The following KLHL32 variants were observed in gnomAD, a reference collection of about 807,000 sequenced individuals.
KLHL32 encodes the protein kelch-like protein 32.
Under a neutral mutation model 64.8 loss-of-function variants are expected in KLHL32, and 35 were observed. The observed-to-expected ratio is 0.54, with a 90% CI of 0.41 to 0.72. The LOEUF is 0.72. Ranked by LOEUF, KLHL32 falls within the 30% of genes least tolerant of loss-of-function variation. The pLI is 0.00. For missense variants in KLHL32, 589 were observed against 768.5 expected, an observed-to-expected ratio of 0.77 and a Z score of 2.76; for synonymous variants, 259 against 281.0, an observed-to-expected ratio of 0.92 and a Z score of 0.78.
chr6:97,038,704 T>C (rs758748606), intron 3 of KLHL32, among the ~76,000 whole-genome samples: 49 of 151,932 alleles, frequency 3.2e-4, no homozygotes, highest in Non-Finnish European at 6.0e-4. Context: ...TAAATATATC[T>C]ATATATCTAT....
rs760898676 is a variant in KLHL32, at chr6:97,130,962, G to T, written c.1606+13G>T. ...AACCTGCTGACTGGCAAGTACCTTT[G>T]ATTAAGTAAATCAGGAAAAGTAGAT... On this transcript the variant is annotated intron_variant, in intron 9 of 10. Coordinates refer to ENST00000369261, the MANE Select transcript of KLHL32 (RefSeq NM_052904.4). 6.2e-7 allele frequency: 1 copy of T among 1,602,010 alleles called. No homozygotes were observed. The highest frequency in any genetic ancestry group is 1.7e-5 in the Admixed American group (1 of 58,802).
chr6:97,030,717 C>T (rs891203399), intron 3 of KLHL32, among the ~76,000 whole-genome samples: 3 of 152,296 alleles, frequency 2.0e-5, no homozygotes, highest in South Asian at 4.1e-4. Flanking sequence ...TAGCTTTGAA[C>T]TCACTTGTGT....
chr6:97,002,097 A>C (rs1381975336), intron 3 of KLHL32, among the ~76,000 whole-genome samples: 1 of 152,242 alleles, frequency 6.6e-6, no homozygotes, highest in African/African-American at 2.4e-5. Flanking sequence ...GTATGCTTCT[A>C]GTCCAAGTCT....
In KLHL32 at chr6:96,989,718, C is replaced by A. The variant is rs375106802; in HGVS notation, c.204+13541C>A. 1.6e-4 allele frequency among the ~76,000 whole-genome samples: 24 copies of A among 152,206 alleles called. 1 individual carries two copies. Among genetic ancestry groups the A allele is most frequent in the South Asian group, 1.2e-3 (6 of 4,820 alleles). Reference sequence around the variant, plus strand: ...TTTTCCAAGTTGCTTTTTCTCCCCCCCTCTCTTCCAGGGATACCAATTTGT... The same window carrying A: ...TTTTCCAAGTTGCTTTTTCTCCCCCACTCTCTTCCAGGGATACCAATTTGT... On this transcript the variant is annotated intron_variant, in intron 3 of 10. Coordinates refer to ENST00000369261, the MANE Select transcript of KLHL32 (RefSeq NM_052904.4).
chr6:97,104,719 G>A (rs542398128), intron 6 of KLHL32, among the ~76,000 whole-genome samples: 6 of 152,244 alleles, frequency 3.9e-5, no homozygotes, highest in African/African-American at 9.6e-5. Flanking sequence ...AAATGTTGAC[G>A]CAGTTTTAAT....
chr6:97,015,349 A>G (rs1320558652), intron 3 of KLHL32, among the ~76,000 whole-genome samples: 1 of 152,204 alleles, frequency 6.6e-6, no homozygotes. Context: ...GAAGACAGGA[A>G]GATGTGGGAA....
chr6:96,969,358 T>C (rs1480078722), intron 2 of KLHL32, among the ~76,000 whole-genome samples: 1 of 152,184 alleles, frequency 6.6e-6, no homozygotes, highest in East Asian at 1.9e-4. Flanking sequence ...AATGTCTCAT[T>C]TTCTGGCCCT....
chr6:97,139,533 T>G lies in KLHL32; in HGVS notation c.*251T>G. 1 of 400,174 alleles carries G rather than the reference T, an allele frequency of 2.5e-6. No individual in the cohort carries two copies. Among genetic ancestry groups the G allele is most frequent in the South Asian group, 3.9e-5 (1 of 25,774 alleles). 24.8% of individuals were successfully genotyped at this position (400,174 alleles called of 1,614,324 possible). ...TAGTGCCAATTTAAGGTATATTGTG[T>G]TCCATGGGTCTTTAGAGCATTCTTT... On this transcript the variant is annotated 3_prime_UTR_variant, in exon 11 of 11. Coordinates refer to ENST00000369261, the MANE Select transcript of KLHL32 (RefSeq NM_052904.4).
At chr6:97,089,365 GT>G (rs1793881356) in intron 6 of KLHL32, among the ~76,000 whole-genome samples, 1 of 152,258 alleles carries the variant, frequency 6.6e-6, no homozygotes, top group African/African-American at 2.4e-5. Flanking sequence ...AAAATATTCA[GT>G]AGTTAGGTTA....
At chr6:96,915,876 C>T in the KLHL32 span, among the ~76,000 whole-genome samples, 9 of 152,290 alleles carry the variant, frequency 5.9e-5, no homozygotes, top group Admixed American at 1.3e-4. Context: ...CCTCCCCCAT[C>T]GGCTTAAAAG....
chr6:97,023,239 T>G (rs999116650), intron 3 of KLHL32, among the ~76,000 whole-genome samples: 1 of 152,150 alleles, frequency 6.6e-6, no homozygotes, highest in Non-Finnish European at 1.5e-5. Flanking sequence ...ACAATTTAGG[T>G]TTTTTAAAAC....
intron 7 of KLHL32, among the ~76,000 whole-genome samples, chr6:97,115,125 C>G (rs1340748595): frequency 6.6e-6 from 1 of 152,176 alleles, no homozygotes; most frequent in East Asian, 1.9e-4. Context: ...AAGTGATCCT[C>G]CCACCTCAGC....
chr6:97,090,347 C>G (rs1318295005), intron 6 of KLHL32, among the ~76,000 whole-genome samples: 1 of 152,206 alleles, frequency 6.6e-6, no homozygotes, highest in Non-Finnish European at 1.5e-5. Flanking sequence ...CTCTTAATAA[C>G]ACATTCATTT....
chr6:97,017,703 C>T (rs989337823), intron 3 of KLHL32, among the ~76,000 whole-genome samples: 1 of 152,072 alleles, frequency 6.6e-6, no homozygotes, highest in Non-Finnish European at 1.5e-5. Flanking sequence ...TTCTTCTCAG[C>T]CAGTGACTTC....
At chr6:96,953,852 G>A (rs1772932694) in intron 1 of KLHL32, among the ~76,000 whole-genome samples, 1 of 110,456 alleles carries the variant, frequency 9.1e-6, no homozygotes, top group East Asian at 2.6e-4. Context: ...ATTAATAGTT[G>A]TCTTTTTTTT....
intron 4 of KLHL32, among the ~76,000 whole-genome samples, chr6:97,059,806 G>C (rs1055204941): frequency 6.6e-6 from 1 of 151,980 alleles, no homozygotes; most frequent in African/African-American, 2.4e-5. Flanking sequence ...TTGAATATAT[G>C]ATCATTTAAC....
rs1781943184 is a variant in KLHL32 at position 97,021,213 on chromosome 6, G to A, written c.205-20279G>A. ...CTTTAGGTTTAGGGGCACATGTGCA[G>A]GTTTATTACGTGGGTAAATTGTGTG... On this transcript the variant is annotated intron_variant, in intron 3 of 10. Coordinates refer to ENST00000369261, the MANE Select transcript of KLHL32 (RefSeq NM_052904.4). 1.3e-5 allele frequency among the ~76,000 whole-genome samples: 2 copies of A among 150,826 alleles called. 1 individual carries two copies. Among genetic ancestry groups the A allele is most frequent in the Non-Finnish European group, 2.9e-5 (2 of 68,028 alleles).
At chr6:96,963,222 G>C (rs745912475) in intron 1 of KLHL32, among the ~76,000 whole-genome samples, 7 of 152,138 alleles carry the variant, frequency 4.6e-5, no homozygotes, top group Admixed American at 6.5e-5. Flanking sequence ...CCTTATATAC[G>C]ATCCTAGGAT....
chr6:97,013,572 A>G (rs751781289), intron 3 of KLHL32, among the ~76,000 whole-genome samples: 1 of 152,214 alleles, frequency 6.6e-6, no homozygotes. Context: ...ACACACATGT[A>G]CACGTGTCAG....
Sources: gnomAD v4.1 joint callset for allele counts (sites outside exome capture counted in the v4.1 genomes callset) on GRCh38, gnomAD v4.1.1 for gene constraint, MANE v1.5 for transcripts, NCBI Gene and HGNC (gene_info 2026-07-23, HGNC 2026-07-21) for gene names.